The following FGF14 variants were observed in gnomAD, a reference collection of about 807,000 sequenced individuals.
FGF14 encodes the protein fibroblast growth factor homologous factor 4.
Under a neutral mutation model 25.5 loss-of-function variants are expected in FGF14, and 5 were observed. The ratio of observed to expected loss-of-function variants is 0.20; its 90% CI spans 0.10 to 0.41. The LOEUF is 0.41. Ranked by LOEUF, FGF14 falls within the 10% of genes least tolerant of loss-of-function variation. The probability of loss-of-function intolerance (pLI) is 1.00; values close to 1 mark genes in which losing one functional copy is unlikely to be tolerated. For missense variants in FGF14, 222 were observed against 320.1 expected (o/e 0.69, Z 2.34); for synonymous variants, 138 against 118.3 (o/e 1.17, Z -1.08).
chr13:102,174,392 C>T (rs181742819), intron 1 of FGF14, among the ~76,000 whole-genome samples: 1 of 151,634 alleles, frequency 6.6e-6, no homozygotes, highest in East Asian at 1.9e-4. Flanking sequence ...TCTGGAACTC[C>T]TGACCTCAGA....
chr13:102,181,899 C>A (rs899666676), intron 1 of FGF14, among the ~76,000 whole-genome samples: 1 of 152,108 alleles, frequency 6.6e-6, no homozygotes, highest in Non-Finnish European at 1.5e-5. Flanking sequence ...GAAGAAAGAA[C>A]AAGAAAAGGA....
chr13:101,939,645 A>G (rs1489449149), intron 1 of FGF14, among the ~76,000 whole-genome samples: 13 of 152,170 alleles, frequency 8.5e-5, no homozygotes, highest in African/African-American at 3.1e-4. Flanking sequence ...AATCTCACCA[A>G]TGTGCAGTCT....
At chr13:101,745,389 T>C (rs1305715747) in intron 3 of FGF14, among the ~76,000 whole-genome samples, 1 of 152,006 alleles carries the variant, frequency 6.6e-6, no homozygotes, top group African/African-American at 2.4e-5. Context: ...TACATTAGGG[T>C]TCACTTTGGG....
chr13:102,063,287 T>C (rs2042764860), intron 1 of FGF14, among the ~76,000 whole-genome samples: 1 of 152,196 alleles, frequency 6.6e-6, no homozygotes, highest in Non-Finnish European at 1.5e-5. Flanking sequence ...ATTTATAACA[T>C]CTAAACATAC....
intron 1 of FGF14, among the ~76,000 whole-genome samples, chr13:102,081,868 T>C (rs1030211227): frequency 2.0e-5 from 3 of 152,190 alleles, no homozygotes; most frequent in Non-Finnish European, 4.4e-5. Context: ...AAAAGCGGAA[T>C]GAGTTTCCAA....
At chr13:102,255,307 G>T (rs1219599977) in intron 1 of FGF14, among the ~76,000 whole-genome samples, 1 of 152,138 alleles carries the variant, frequency 6.6e-6, no homozygotes, top group African/African-American at 2.4e-5. Flanking sequence ...TACAGTGATA[G>T]GAAAACTACT....
chr13:101,985,021 C>A (rs1310334361), intron 1 of FGF14, among the ~76,000 whole-genome samples: 3 of 150,606 alleles, frequency 2.0e-5, no homozygotes, highest in Admixed American at 1.3e-4. Flanking sequence ...CATCATAAAA[C>A]CATATAGATT....
chr13:102,000,904 G>A (rs2039457605), intron 1 of FGF14, among the ~76,000 whole-genome samples: 1 of 152,142 alleles, frequency 6.6e-6, no homozygotes, highest in Non-Finnish European at 1.5e-5. Context: ...GAGATGAGAT[G>A]GAAAGTCATT....
rs764173744 is a variant in FGF14, at chr13:101,715,671, G to A, written c.*7160C>T. Reference sequence around the variant, plus strand: ...TATCCTTAACAATTACATGAGAGAGGTCTGGATTCTTATTTTTTCTGGGCC... The same window carrying A: ...TATCCTTAACAATTACATGAGAGAGATCTGGATTCTTATTTTTTCTGGGCC... On this transcript the variant is annotated 3_prime_UTR_variant, in exon 5 of 5. Transcript: ENST00000376143. The A allele has an allele frequency of 7.1e-6, 11 of 1,540,458 alleles. No homozygotes were observed. In the Admixed American group the frequency reaches 1.7e-4, roughly 23 times the overall value.
intron 3 of FGF14, among the ~76,000 whole-genome samples, chr13:101,821,270 T>A (rs2042142553): frequency 6.6e-6 from 1 of 152,184 alleles, no homozygotes; most frequent in Non-Finnish European, 1.5e-5. Flanking sequence ...TTTTTAAAAA[T>A]TTCACACATA....
intron 1 of FGF14, among the ~76,000 whole-genome samples, chr13:102,258,578 G>A (rs958734386): frequency 1.3e-5 from 2 of 152,072 alleles, no homozygotes; most frequent in African/African-American, 2.4e-5. Flanking sequence ...CTTCAGTCTG[G>A]GGACGGGAGC....
At chr13:101,934,186 CTGATT>C (rs1479900905) in intron 1 of FGF14, among the ~76,000 whole-genome samples, 1 of 152,192 alleles carries the variant, frequency 6.6e-6, no homozygotes, top group Non-Finnish European at 1.5e-5. Flanking sequence ...GTGAAGGCAG[CTGATT>C]CTTCAAAGCA....
chr13:101,897,083 T>C (rs575421021), intron 1 of FGF14, among the ~76,000 whole-genome samples: 16 of 152,166 alleles, frequency 1.1e-4, no homozygotes, highest in African/African-American at 3.9e-4. Context: ...ATTAGAAACA[T>C]GGTATGCTAG....
At position 102,161,570 on chromosome 13, in the gene FGF14, A is replaced by AAGAAGAAAAGAAGAAGAAAG; in HGVS notation, c.208+239900_208+239901insCTTTCTTCTTCTTTTCTTCT. 2.1e-3 allele frequency among the ~76,000 whole-genome samples: 12 copies of AAGAAGAAAAGAAGAAGAAAG among 5,650 alleles called. 3 individuals carry two copies. The highest frequency in any genetic ancestry group is 7.8e-3 in the Admixed American group (2 of 258). The allele number at this position is 5,650 out of a possible 152,430, so 3.7% of individuals were successfully genotyped here. A position where few individuals can be genotyped will look rare whatever the true frequency, so the allele number is the denominator to read the frequency against. Reference sequence around the variant, plus strand: ...TCTATGCAACCAACTTTCTGTGAAGAAAGAAAGAAGAAGAAGAAGAAGAAG... The same window carrying AAGAAGAAAAGAAGAAGAAAG: ...TCTATGCAACCAACTTTCTGTGAAGAAGAAGAAAAGAAGAAGAAAGAAGAAAGAAGAAGAAGAAGAAGAAG... On this transcript the variant is annotated intron_variant, in intron 1 of 4. Coordinates refer to the FGF14 transcript ENST00000376131.
intron 1 of FGF14, among the ~76,000 whole-genome samples, chr13:102,157,099 T>C (rs1488787586): frequency 6.6e-6 from 1 of 152,150 alleles, no homozygotes; most frequent in Non-Finnish European, 1.5e-5. Flanking sequence ...CATTTACAGA[T>C]TCAATGCCAT....
intron 1 of FGF14, among the ~76,000 whole-genome samples, chr13:101,954,705 T>TGG (rs1255212691): frequency 6.8e-6 from 1 of 147,634 alleles, no homozygotes; most frequent in Non-Finnish European, 1.5e-5. Flanking sequence ...TGAAAGTGTG[T>TGG]GTGTGTGTGT....
At chr13:102,183,304 C>T (rs184444870) in intron 1 of FGF14, among the ~76,000 whole-genome samples, 4 of 152,052 alleles carry the variant, frequency 2.6e-5, no homozygotes, top group East Asian at 1.9e-4. Context: ...ATGTTTTCTA[C>T]GAGTTCAAAA....
intron 1 of FGF14, among the ~76,000 whole-genome samples, chr13:101,963,165 G>C (rs1411053844): frequency 1.3e-5 from 2 of 152,340 alleles, no homozygotes; most frequent in East Asian, 3.9e-4. Context: ...AGGAGAGAAT[G>C]AAATGTTGGT....
intron 1 of FGF14, among the ~76,000 whole-genome samples, chr13:101,953,950 T>C (rs2036346393): frequency 6.6e-6 from 1 of 152,146 alleles, no homozygotes; most frequent in East Asian, 1.9e-4. Flanking sequence ...TCCATCACCC[T>C]CTGTCTATGT....
Sources: allele counts gnomAD v4.1 joint callset (sites outside exome capture counted in the v4.1 genomes callset), GRCh38; gene constraint gnomAD v4.1.1; transcripts MANE v1.5; gene names NCBI Gene and HGNC (gene_info 2026-07-23, HGNC 2026-07-21).